Variants in GSE1 observed in about 807,000 individuals in gnomAD.
GSE1 encodes genetic suppressor element 1.
In GSE1, 32 loss-of-function variants were observed where a neutral mutation model predicts 112.6. That is an observed-to-expected ratio of 0.28 (90% CI 0.21 to 0.38). GSE1 has a LOEUF of 0.38. GSE1 is among the 10% of genes least tolerant of loss of function. The probability of loss-of-function intolerance (pLI) is 1.00; values close to 1 mark genes in which losing one functional copy is unlikely to be tolerated. For missense variants in GSE1, 2,348 were observed against 1,699.2 expected, an observed-to-expected ratio of 1.38 and a Z score of -6.71; for synonymous variants, 1,115 against 735.6, an observed-to-expected ratio of 1.52 and a Z score of -8.35.
chr16:85,644,086 G>A (rs1459091579), intron 2 of GSE1, among the ~76,000 whole-genome samples: 1 of 152,130 alleles, frequency 6.6e-6, no homozygotes, highest in African/African-American at 2.4e-5. Context: ...CCAGCACTGT[G>A]GGCAACTGAG....
intron 2 of GSE1, among the ~76,000 whole-genome samples, chr16:85,450,300 T>G (rs1167471616): frequency 6.6e-6 from 1 of 151,562 alleles, no homozygotes; most frequent in Admixed American, 6.6e-5. Flanking sequence ...GTATTTTTAG[T>G]AGAGATGGGG....
In GSE1 at chr16:85,661,524, C is replaced by T. The variant is rs765805247; in HGVS notation, c.2019C>T (p.Pro673=). The T allele has an allele frequency of 2.5e-6, 4 of 1,611,992 alleles. No homozygotes were observed. The highest frequency in any genetic ancestry group is 3.4e-6 in the Non-Finnish European group (4 of 1,179,760). The change falls in exon 9 of 16, where the codon CCC becomes CCT. Residue 673 remains proline, a synonymous_variant. Transcript: ENST00000253458. ...EHQPFLPGPG[P]FLAELEKSTQ... is the part of the protein sequence containing the mutation. ...AGCCCTTCCTGCCCGGGCCCGGGCCCTTCCTGGCTGAGCTCGAGAAGTCCA... is the reference window on the plus strand; with the variant it reads ...AGCCCTTCCTGCCCGGGCCCGGGCCTTTCCTGGCTGAGCTCGAGAAGTCCA...
At position 85,442,298 on chromosome 16, in the gene GSE1, C is replaced by T. The variant is rs147632447; in HGVS notation, c.2464+84655C>T. Among the ~76,000 whole-genome samples, 1,171 of 152,302 alleles carry T rather than the reference C, an allele frequency of 7.7e-3. 16 individuals are homozygous for T. Among genetic ancestry groups the T allele is most frequent in the African/African-American group, 0.022 (897 of 41,550 alleles). ...GCCCCCAGTTGCTGCAACACTGTTCCTTGTTTGCGTGCTTGTTTACCGTCC... is the reference window on the plus strand; with the variant it reads ...GCCCCCAGTTGCTGCAACACTGTTCTTTGTTTGCGTGCTTGTTTACCGTCC... On this transcript the variant is annotated intron_variant, in intron 2 of 2. Coordinates refer to the GSE1 transcript ENST00000637419.
intron 1 of GSE1, among the ~76,000 whole-genome samples, chr16:85,305,500 A>C (rs2045653788): frequency 6.6e-6 from 1 of 151,246 alleles, no homozygotes; most frequent in Non-Finnish European, 1.5e-5. Context: ...TTTGTTTTTG[A>C]GACGGAGTCT....
intron 2 of GSE1, among the ~76,000 whole-genome samples, chr16:85,486,989 G>A (rs544740482): frequency 1.3e-5 from 2 of 152,246 alleles, no homozygotes; most frequent in African/African-American, 4.8e-5. Context: ...GGCACCCCAG[G>A]GACTTGGGGT....
intron 1 of GSE1, among the ~76,000 whole-genome samples, chr16:85,325,210 C>A (rs1229005965): frequency 2.6e-5 from 4 of 152,032 alleles, no homozygotes; most frequent in African/African-American, 9.7e-5. Flanking sequence ...CCCAAGTGAT[C>A]CTCCCACCTC....
At chr16:85,185,888 T>C (rs1274409874) in intron 1 of GSE1, among the ~76,000 whole-genome samples, 2 of 152,112 alleles carry the variant, frequency 1.3e-5, no homozygotes, top group East Asian at 3.9e-4. Context: ...GTCTAGGAGA[T>C]GTTTATGGGG....
chr16:85,504,141 G>T (rs1016893196), intron 2 of GSE1, among the ~76,000 whole-genome samples: 1 of 152,220 alleles, frequency 6.6e-6, no homozygotes, highest in African/African-American at 2.4e-5. Context: ...GTCCATGTGT[G>T]AAGAGAGGTT....
chr16:85,289,930 T>G (rs536677149), intron 1 of GSE1, among the ~76,000 whole-genome samples: 1 of 152,100 alleles, frequency 6.6e-6, no homozygotes, highest in African/African-American at 2.4e-5. Flanking sequence ...GGAATTCAGA[T>G]TCATTAGATC....
chr16:85,479,283 C>T (rs2050600122), intron 2 of GSE1, among the ~76,000 whole-genome samples: 1 of 150,112 alleles, frequency 6.7e-6, no homozygotes, highest in Non-Finnish European at 1.5e-5. Flanking sequence ...CCACCCACCT[C>T]GGCCTCCCAA....
intron 1 of GSE1, among the ~76,000 whole-genome samples, chr16:85,245,760 A>T (rs1159169775): frequency 6.6e-6 from 1 of 152,104 alleles, no homozygotes; most frequent in Non-Finnish European, 1.5e-5. Context: ...GACTGTGGGC[A>T]CCGCCTGGGG....
chr16:85,345,416 G>T (rs1489401866), intron 1 of GSE1, among the ~76,000 whole-genome samples: 2 of 152,118 alleles, frequency 1.3e-5, no homozygotes, highest in Non-Finnish European at 2.9e-5. Context: ...ATACCATCTG[G>T]CCCTTTAAGA....
chr16:85,283,261 C>G (rs1442200963), intron 1 of GSE1: 1 of 152,894 alleles, frequency 6.5e-6, no homozygotes, highest in Non-Finnish European at 1.5e-5. Context: ...CCTCCCGTGT[C>G]CTCGCTGCGT....
chr16:85,195,076 G>T (rs367804189), intron 1 of GSE1, among the ~76,000 whole-genome samples: 1 of 152,130 alleles, frequency 6.6e-6, no homozygotes, highest in East Asian at 1.9e-4. Context: ...CCATCCAATC[G>T]CAGGCATGTA....
intron 2 of GSE1, among the ~76,000 whole-genome samples, chr16:85,378,496 C>T (rs1010625600): frequency 1.3e-5 from 2 of 152,320 alleles, no homozygotes; most frequent in South Asian, 4.1e-4. Context: ...TGACTTCCCC[C>T]AGGGCCAGAG....
intron 1 of GSE1, among the ~76,000 whole-genome samples, chr16:85,614,242 G>T (rs1440296857): frequency 1.3e-5 from 2 of 152,086 alleles, no homozygotes; most frequent in Non-Finnish European, 2.9e-5. Context: ...CGGGCCCTGC[G>T]GCCGCGCTGA....
At chr16:85,640,523 G>T (rs556552119) in intron 2 of GSE1, among the ~76,000 whole-genome samples, 2 of 152,360 alleles carry the variant, frequency 1.3e-5, no homozygotes, top group South Asian at 2.1e-4. Context: ...GGCAAGAGGG[G>T]AGGCAGATCC....
chr16:85,289,674 A>G (rs2045147239), intron 1 of GSE1, among the ~76,000 whole-genome samples: 1 of 152,182 alleles, frequency 6.6e-6, no homozygotes. Flanking sequence ...GGTGGGATAC[A>G]GGAGGGTGCA....
chr16:85,648,686 C>G lies in GSE1; in HGVS notation c.361C>G (p.Pro121Ala), dbSNP rs768122336. The G allele has an allele frequency of 1.0e-5, 16 of 1,607,822 alleles. No individual in the cohort carries two copies. The highest frequency in any genetic ancestry group is 3.4e-5 in the Admixed American group (2 of 59,622). ...TGGGGGCCACAGCGTGCCCAGCACC[C>G]CCCCCGTGGTGACCATCGCTCCAAC... ...PPGGHSVPST[P>A]PVVTIAPTKT... Residue 121 changes from proline to alanine, a missense_variant, in exon 3 of 16, where the codon CCC becomes GCC. By Grantham distance (27) the Pro-to-Ala change is conservative. Transcript: ENST00000253458.
Sources: allele counts gnomAD v4.1 joint callset (sites outside exome capture counted in the v4.1 genomes callset), GRCh38; gene constraint gnomAD v4.1.1; transcripts MANE v1.5; gene names NCBI Gene and HGNC (gene_info 2026-07-23, HGNC 2026-07-21).